The following MYOM1 variants were observed in gnomAD, a reference collection of about 807,000 sequenced individuals.
MYOM1 encodes myomesin 1.
MYOM1 carries 164 observed loss-of-function variants against 205.3 expected under a neutral mutation model. The observed-to-expected ratio is 0.80, with a 90% confidence interval of 0.70 to 0.91. MYOM1 has a LOEUF of 0.91. MYOM1 is among the 40% of genes least tolerant of loss of function. The pLI is 0.00. For missense variants in MYOM1, 2,011 were observed against 2,127.3 expected, an observed-to-expected ratio of 0.95 and a Z score of 1.08; for synonymous variants, 772 against 789.4, an observed-to-expected ratio of 0.98 and a Z score of 0.37.
the MYOM1 span, among the ~76,000 whole-genome samples, chr18:3,226,814 G>A: frequency 6.6e-6 from 1 of 152,212 alleles, no homozygotes; most frequent in African/African-American, 2.4e-5. The surrounding 1 kb of genome is among the most constrained non-coding windows in gnomAD (Gnocchi z 4.6). Context: ...ACTGGGAAAT[G>A]TGGCAAAGGA....
intron 26 of MYOM1, among the ~76,000 whole-genome samples, chr18:3,092,934 A>G (rs1258652516): frequency 6.6e-6 from 1 of 152,238 alleles, no homozygotes; most frequent in African/African-American, 2.4e-5. Context: ...GCACATATGC[A>G]TGAATGTTCA....
rs137949496 is a variant in MYOM1, at chr18:3,137,712, A to G, written c.2026-1982T>C. On this transcript the variant is annotated intron_variant, in intron 14 of 37. Transcript: ENST00000356443. ...GAGGTTTGTTAGTGGGCACAAAAAT[A>G]CAATTAGAAGAAATAAGTTCTAGTG... is the stretch of plus-strand genomic sequence containing the variant. 2.6e-3 allele frequency among the ~76,000 whole-genome samples: 393 copies of G among 152,334 alleles called. 1 individual carries two copies. Among genetic ancestry groups the G allele is most frequent in the African/African-American group, 9.0e-3 (376 of 41,578 alleles).
At chr18:3,185,249 C>A (rs545179020) in intron 5 of MYOM1, among the ~76,000 whole-genome samples, 8 of 152,222 alleles carry the variant, frequency 5.3e-5, no homozygotes, top group African/African-American at 1.9e-4. Flanking sequence ...GGTTTTTATT[C>A]CAGTTGCTGT....
In MYOM1 at chr18:3,100,213, GA is replaced by G. The variant is rs778075115; in HGVS notation, c.3683-11del. 9.3e-6 allele frequency: 15 copies of G among 1,613,932 alleles called. No homozygotes were observed. The highest frequency in any genetic ancestry group is 1.3e-5 in the Non-Finnish European group (15 of 1,179,866). On this transcript the variant is annotated splice_polypyrimidine_tract_variant and intron_variant, in intron 24 of 37. Coordinates refer to ENST00000356443, the MANE Select transcript of MYOM1 (RefSeq NM_003803.4). ...AGTAAACGTTTCAATTCTGTAGGGG[GA>G]AAAAGAAGGCAGTTAAACCTTAAAC...
chr18:3,102,062 C>T (rs368634298), intron 23 of MYOM1, among the ~76,000 whole-genome samples: 1 of 136,060 alleles, frequency 7.3e-6, no homozygotes, highest in East Asian at 2.2e-4. Context: ...AGTGCAGTGG[C>T]GCGATCTCGG....
rs78645329 is a variant in MYOM1, at chr18:3,148,242, C to G, written c.1900+903G>C. On this transcript the variant is annotated intron_variant, in intron 13 of 37. Transcript: ENST00000356443. The stretch of plus-strand genomic sequence containing the variant: ...TCCATTCAACTCCTAGGTATTTACA[C>G]AAGACATAAATGAAAGCATATGTCC... 5.4e-3 allele frequency among the ~76,000 whole-genome samples: 824 copies of G among 152,240 alleles called. 6 individuals are homozygous for G. The highest frequency in any genetic ancestry group is 0.017 in the African/African-American group (711 of 41,538).
intron 2 of MYOM1, among the ~76,000 whole-genome samples, chr18:3,202,268 G>A (rs1345336129): frequency 6.6e-6 from 1 of 152,080 alleles, no homozygotes; most frequent in Non-Finnish European, 1.5e-5. Flanking sequence ...AGGCAATAAA[G>A]GAGTAATTAA....
Position 3,083,905 on chromosome 18 carries a change from A to C in MYOM1, c.4379-11T>G. The C allele has an allele frequency of 6.3e-7, 1 of 1,575,938 alleles. No individual in the cohort carries two copies. The highest frequency in any genetic ancestry group is 2.3e-5 in the East Asian group (1 of 43,550). On this transcript the variant is annotated splice_polypyrimidine_tract_variant and intron_variant, in intron 32 of 37. Coordinates refer to ENST00000356443, the MANE Select transcript of MYOM1 (RefSeq NM_003803.4). ...CTGTAGCAGACAAAGCTGAAAGAAG[A>C]AAATAGCATATTTCATACATCTGCA...
chr18:3,220,101 A>G (rs2081314592), upstream of MYOM1: 1 of 152,244 alleles, frequency 6.6e-6, no homozygotes, highest in Non-Finnish European at 1.5e-5. Flanking sequence ...ATATAATTGC[A>G]TAATGCCGGT....
intron 5 of MYOM1, among the ~76,000 whole-genome samples, chr18:3,184,830 C>G (rs565692166): frequency 6.6e-6 from 1 of 152,264 alleles, no homozygotes; most frequent in Non-Finnish European, 1.5e-5. Context: ...GGTGCAGGGA[C>G]CAGAGGAGGC....
the MYOM1 span, among the ~76,000 whole-genome samples, chr18:3,235,262 A>G: frequency 6.6e-6 from 1 of 152,132 alleles, no homozygotes; most frequent in Non-Finnish European, 1.5e-5. Context: ...GTCCCAAATG[A>G]TAACTGTCAT....
chr18:3,164,341 A>G lies in MYOM1; in HGVS notation c.1438T>C (p.Tyr480His), dbSNP rs763945524. 5.5e-5 allele frequency: 89 copies of G among 1,612,472 alleles called. No individual in the cohort carries two copies. Among genetic ancestry groups the G allele is most frequent in the Non-Finnish European group, 7.5e-5 (88 of 1,179,242 alleles). Residue 480 changes from tyrosine (Y) to histidine (H), a missense_variant, in exon 10 of 38, where the codon TAT (tyrosine) becomes CAT (histidine). Physicochemically the swap from Tyr to His is moderately conservative, Grantham distance 83 (BLOSUM62 2). Transcript: ENST00000356443. ...SHLNKEDEGL[Y>H]TIRVRMGEYY... is the part of the protein sequence containing the mutation. The stretch of plus-strand genomic sequence containing the variant: ...TCTCCCATCCGTACACGGATTGTAT[A>G]GAGGCCTTCATCTTCTTTGTTGAGA...
intron 17 of MYOM1, 90 bp downstream of exon 17, chr18:3,131,285 A>G: frequency 7.1e-7 from 1 of 1,409,566 alleles, no homozygotes; most frequent in Non-Finnish European, 9.8e-7. Flanking sequence ...CAATATTGGA[A>G]GCTAAATAAT....
At chr18:3,078,650 G>C (rs2079047968) in intron 34 of MYOM1, among the ~76,000 whole-genome samples, 1 of 151,916 alleles carries the variant, frequency 6.6e-6, no homozygotes, top group Admixed American at 6.6e-5. Flanking sequence ...TGCCCAGACT[G>C]GTCTTAAATT....
chr18:3,130,145 C>T (rs901563722), intron 17 of MYOM1, among the ~76,000 whole-genome samples: 12 of 151,592 alleles, frequency 7.9e-5, no homozygotes, highest in African/African-American at 2.9e-4. Context: ...TGGGTTCAAA[C>T]AATTCTCGTG....
At chr18:3,151,653 A>T in intron 12 of MYOM1, 41 bp downstream of exon 12, 1 of 1,535,470 alleles carries the variant, frequency 6.5e-7, no homozygotes, top group Non-Finnish European at 8.8e-7. Flanking sequence ...AGTCATTTTA[A>T]AAAGGTTTAG....
intron 26 of MYOM1, 41 bp downstream of exon 26, chr18:3,094,129 T>C (rs759906276): frequency 4.4e-6 from 7 of 1,606,098 alleles, no homozygotes; most frequent in Non-Finnish European, 6.0e-6. Context: ...CAGTGTATTC[T>C]ACAATGATAC....
chr18:3,221,758 T>C (rs1462510481), upstream of MYOM1, among the ~76,000 whole-genome samples: 1 of 152,248 alleles, frequency 6.6e-6, no homozygotes, highest in Non-Finnish European at 1.5e-5. Context: ...CTAGTTCTGA[T>C]CCAGGTACCT....
intron 2 of MYOM1, among the ~76,000 whole-genome samples, chr18:3,203,437 A>G (rs1464358262): frequency 3.3e-5 from 5 of 151,880 alleles, no homozygotes; most frequent in African/African-American, 1.2e-4. Flanking sequence ...ATCAAGAATG[A>G]AAGAGGAGAC....
Sources: gnomAD v4.1 joint callset for allele counts (sites outside exome capture counted in the v4.1 genomes callset) on GRCh38, gnomAD v4.1.1 for gene constraint, Gnocchi (gnomAD v3.1) non-coding constraint, MANE v1.5 for transcripts, NCBI Gene and HGNC (gene_info 2026-07-23, HGNC 2026-07-21) for gene names.